CNN3: variants seen among roughly 807,000 people sequenced by gnomAD.
CNN3 encodes the protein calponin-3.
A neutral mutation model predicts 39.0 loss-of-function variants in CNN3; 11 were observed. The ratio of observed to expected loss-of-function variants is 0.28; its 90% CI spans 0.18 to 0.47. The LOEUF (loss-of-function observed/expected upper bound fraction) is 0.47, where lower values mean the gene tolerates loss of function less well. Among genes scored for constraint, CNN3 ranks in the 20% least tolerant of loss-of-function variants. CNN3 has a pLI of 0.99. For missense variants in CNN3, 266 were observed against 403.4 expected (o/e 0.66, Z 2.92); for synonymous variants, 101 against 138.3 (o/e 0.73, Z 1.89).
chr1:94,910,344 C>A (rs917422123), intron 1 of CNN3, among the ~76,000 whole-genome samples: 4 of 152,026 alleles, frequency 2.6e-5, no homozygotes, highest in African/African-American at 9.7e-5. Flanking sequence ...CAGAAAGAGA[C>A]AAATATTAAA....
intron 1 of CNN3, among the ~76,000 whole-genome samples, chr1:94,913,096 C>A (rs753515355): frequency 6.6e-6 from 1 of 152,174 alleles, no homozygotes; most frequent in Non-Finnish European, 1.5e-5. Flanking sequence ...TACGTTAATA[C>A]ACAGTTTATT....
chr1:94,915,348 G>C (rs2101734085), intron 1 of CNN3, among the ~76,000 whole-genome samples: 1 of 152,264 alleles, frequency 6.6e-6, no homozygotes, highest in African/African-American at 2.4e-5. Flanking sequence ...CCAAGACAAA[G>C]AGGGACATAA....
chr1:94,899,963 G>C (rs1490714356), intron 5 of CNN3, among the ~76,000 whole-genome samples: 1 of 152,144 alleles, frequency 6.6e-6, no homozygotes, highest in Non-Finnish European at 1.5e-5. Context: ...AGCTTAACAA[G>C]GGCTTTTTAA....
intron 1 of CNN3, chr1:94,925,537 A>G (rs866475617): frequency 2.2e-6 from 2 of 909,940 alleles, no homozygotes; most frequent in Non-Finnish European, 1.3e-6. Flanking sequence ...ACTAAAATCA[A>G]CTCCTTGCTT....
intron 1 of CNN3, among the ~76,000 whole-genome samples, chr1:94,905,549 T>C (rs1670976011): frequency 6.6e-6 from 1 of 152,216 alleles, no homozygotes; most frequent in African/African-American, 2.4e-5. Context: ...CAGTTCTTGA[T>C]CCTTTGCACC....
intron 1 of CNN3, among the ~76,000 whole-genome samples, chr1:94,914,273 C>T (rs1466191494): frequency 6.6e-6 from 1 of 152,164 alleles, no homozygotes; most frequent in African/African-American, 2.4e-5. Context: ...CTGTTTGCAA[C>T]TTTTCTGTAG....
intron 1 of CNN3, among the ~76,000 whole-genome samples, chr1:94,903,735 A>AACAG (rs1363802598): frequency 2.0e-5 from 3 of 152,218 alleles, no homozygotes; most frequent in Non-Finnish European, 2.9e-5. Context: ...CAAAATTTTG[A>AACAG]ACAGACCATG....
intron 1 of CNN3, among the ~76,000 whole-genome samples, chr1:94,905,670 T>C (rs2101722993): frequency 6.6e-6 from 1 of 152,378 alleles, no homozygotes; most frequent in South Asian, 2.1e-4. Context: ...AGTAAGTTTA[T>C]ATTTTCATAT....
intron 1 of CNN3, among the ~76,000 whole-genome samples, chr1:94,904,863 T>C (rs1557909475): frequency 6.6e-6 from 1 of 152,026 alleles, no homozygotes; most frequent in Admixed American, 6.5e-5. Context: ...GCTCAGGAGA[T>C]AGAGATCATG....
At chr1:94,921,439 C>T (rs1050422776) in intron 1 of CNN3, among the ~76,000 whole-genome samples, 1 of 152,112 alleles carries the variant, frequency 6.6e-6, no homozygotes, top group Non-Finnish European at 1.5e-5. Flanking sequence ...TCCTCACTCT[C>T]CTGAATACAA....
At chr1:94,898,176 A>T in intron 6 of CNN3, 93 bp from the exon 7 acceptor site, 1 of 1,243,160 alleles carries the variant, frequency 8.0e-7, no homozygotes, top group Non-Finnish European at 1.1e-6. Context: ...TTGAATATGA[A>T]CAGTAATACA....
rs762407661 is a variant in CNN3, at chr1:94,899,320, TA to T, written c.648+50del. ...ATACCTACTTTAAACTTCTGGTTAA[TA>T]AAAATAAGGTAAGTGTACTCTTGTA... is the stretch of plus-strand genomic sequence containing the variant. On this transcript the variant is annotated intron_variant, in intron 6 of 6. Transcript: ENST00000370206. 8 of 1,531,998 alleles carry T rather than the reference TA, an allele frequency of 5.2e-6. No individual in the cohort carries two copies. In the African/African-American group the frequency reaches 1.1e-4, roughly 22 times the overall value. The allele number at this position is 1,531,998 out of a possible 1,614,324, so 94.9% of individuals were successfully genotyped here. A position where few individuals can be genotyped will look rare whatever the true frequency, so the allele number is the denominator to read the frequency against.
At chr1:94,899,120 T>C (rs1670796615) in intron 6 of CNN3, among the ~76,000 whole-genome samples, 1 of 152,104 alleles carries the variant, frequency 6.6e-6, no homozygotes, top group South Asian at 2.1e-4. Flanking sequence ...AACACTGTAA[T>C]AAACATATCT....
intron 1 of CNN3, among the ~76,000 whole-genome samples, chr1:94,911,104 G>A (rs1671149650): frequency 6.6e-6 from 1 of 152,216 alleles, no homozygotes; most frequent in Non-Finnish European, 1.5e-5. Context: ...TGTATCTTAT[G>A]GGGGGTGGGA....
In CNN3 at chr1:94,917,481, T is replaced by G. The variant is rs377338365; in HGVS notation, c.57+9357A>C. ...ATGTCAATGACTCATGACTTGGTAA[T>G]AAAGAAACTAAAACAAGTTACTTTT... On this transcript the variant is annotated intron_variant, in intron 1 of 6. Coordinates refer to ENST00000370206, the MANE Select transcript of CNN3 (RefSeq NM_001839.5). Among the ~76,000 whole-genome samples, 8 of 152,212 alleles carry G rather than the reference T, an allele frequency of 5.3e-5. No individual in the cohort carries two copies. The East Asian group carries it at 7.7e-4, about 15-fold the overall frequency.
At chr1:94,916,155 T>TC (rs1557914237) in intron 1 of CNN3, among the ~76,000 whole-genome samples, 1 of 152,152 alleles carries the variant, frequency 6.6e-6, no homozygotes, top group African/African-American at 2.4e-5. Context: ...TAGTACTCTC[T>TC]CCTAACCCCT....
At chr1:94,925,876 C>G (rs558995326) in intron 1 of CNN3, 2 of 948,906 alleles carry the variant, frequency 2.1e-6, no homozygotes, top group Admixed American at 1.2e-4. Flanking sequence ...GCTGGTCTCT[C>G]CCCCCAGAAA....
At chr1:94,904,316 A>G (rs1168171392) in intron 1 of CNN3, among the ~76,000 whole-genome samples, 1 of 2,910 alleles carries the variant, frequency 3.4e-4, no homozygotes, top group Non-Finnish European at 0.015. Flanking sequence ...ATCCCTTTTT[A>G]ATAAGACCAG....
intron 1 of CNN3, among the ~76,000 whole-genome samples, chr1:94,913,556 G>A (rs1671215936): frequency 6.6e-6 from 1 of 152,232 alleles, no homozygotes; most frequent in South Asian, 2.1e-4. Context: ...GATCAATTCT[G>A]AGTGATGCAT....
Sources: gnomAD v4.1 joint callset for allele counts (sites outside exome capture counted in the v4.1 genomes callset) on GRCh38, gnomAD v4.1.1 for gene constraint, MANE v1.5 for transcripts, NCBI Gene and HGNC (gene_info 2026-07-23, HGNC 2026-07-21) for gene names.